PCDHGA7: variants seen among roughly 807,000 people sequenced by gnomAD.
PCDHGA7 encodes protocadherin gamma-A7.
Under a neutral mutation model 58.3 loss-of-function variants are expected in PCDHGA7, and 44 were observed. That is an observed-to-expected ratio of 0.75 (90% CI 0.59 to 0.97). The LOEUF is 0.97. PCDHGA7 is among the 50% of genes least tolerant of loss of function. The pLI, the probability that PCDHGA7 is intolerant of heterozygous loss-of-function variation, is 0.00. For synonymous variants in PCDHGA7, 516 were observed against 504.2 expected, an observed-to-expected ratio of 1.02 and a Z score of -0.31; for missense variants, 1,266 against 1,188.7, an observed-to-expected ratio of 1.06 and a Z score of -0.96.
Position 141,432,477 on chromosome 5 carries a change from C to G in PCDHGA7, c.2424+47154C>G. On this transcript the variant is annotated intron_variant, in intron 1 of 3. Coordinates refer to ENST00000518325, the MANE Select transcript of PCDHGA7 (RefSeq NM_018920.4). This position sits in a 1 kb window ranked among gnomAD's most constrained non-coding sequence, Gnocchi z 6.0. ...CCCGCCCTCCCCACGGACGGTTCCA[C>G]TGGCGTGGAGCTGGCTCCCCGCTCC... 3 of 1,614,212 alleles carry G rather than the reference C, an allele frequency of 1.9e-6. No homozygotes were observed. Among genetic ancestry groups the G allele is most frequent in the Non-Finnish European group, 1.7e-6 (2 of 1,180,044 alleles).
rs144482292 is a variant in PCDHGA7 at position 141,385,630 on chromosome 5, C to T, written c.2424+307C>T. 4.8e-3 allele frequency: 4,617 copies of T among 957,834 alleles called. 22 individuals are homozygous for T. The highest frequency in any genetic ancestry group is 0.011 in the Admixed American group (240 of 22,730). The allele number at this position is 957,834 out of a possible 1,614,324, so 59.3% of individuals were successfully genotyped here. ...ATATATTTTATACATTGGAATGAAT[C>T]GAGTCTTTCATATTGCACAAGGTTA... is the stretch of plus-strand genomic sequence containing the variant. On this transcript the variant is annotated intron_variant, in intron 1 of 3. Coordinates refer to ENST00000518325, the MANE Select transcript of PCDHGA7 (RefSeq NM_018920.4).
At chr5:141,389,367 G>A (rs1402654392) in intron 1 of PCDHGA7, 4 of 1,613,806 alleles carry the variant, frequency 2.5e-6, no homozygotes, top group South Asian at 1.1e-5. Context: ...CAGTGACCTG[G>A]AGCAGCGGGA....
chr5:141,393,799 G>C lies in PCDHGA7; in HGVS notation c.2424+8476G>C, dbSNP rs2092846945. ...GCCGAAGATGTGGGGGCACTTCTGG[G>C]GAGGACCAAATTGCTCATTTCGGTG... On this transcript the variant is annotated intron_variant, in intron 1 of 3. Transcript: ENST00000518325. 2.5e-6 allele frequency: 4 copies of C among 1,613,802 alleles called. No homozygotes were observed. The highest frequency in any genetic ancestry group is 2.5e-6 in the Non-Finnish European group (3 of 1,179,888).
At chr5:141,408,558 T>A (rs748858215) in intron 1 of PCDHGA7, 48 of 1,613,898 alleles carry the variant, frequency 3.0e-5, no homozygotes, top group Non-Finnish European at 5.9e-6. Context: ...ATTTTTCATG[T>A]CATTGTGGTG....
chr5:141,389,784 G>C (rs1380763543), intron 1 of PCDHGA7: 2 of 1,613,318 alleles, frequency 1.2e-6, no homozygotes, highest in South Asian at 2.2e-5. Flanking sequence ...AGGCGACAGG[G>C]ACGCCGTCCG....
At chr5:141,423,256 G>A (rs751894091) in intron 1 of PCDHGA7, 3 of 1,613,816 alleles carry the variant, frequency 1.9e-6, no homozygotes, top group South Asian at 2.2e-5. Context: ...GGCGGACCTC[G>A]GCAGCCTCGA....
intron 1 of PCDHGA7, among the ~76,000 whole-genome samples, chr5:141,474,243 G>GA (rs1161758975): frequency 2.6e-5 from 4 of 152,050 alleles, no homozygotes; most frequent in Admixed American, 1.3e-4. Context: ...CTGAATAGGG[G>GA]AAAAAAAGAC....
chr5:141,433,823 G>T (rs555746621), intron 1 of PCDHGA7, among the ~76,000 whole-genome samples: 2 of 144,288 alleles, frequency 1.4e-5, no homozygotes, highest in Non-Finnish European at 3.0e-5. Context: ...GGCAACAAGA[G>T]TGAAACTCTA....
chr5:141,491,508 G>T lies in PCDHGA7; in HGVS notation c.2425-3299G>T. 1 of 1,614,030 alleles carries T rather than the reference G, an allele frequency of 6.2e-7. No homozygotes were observed. Among genetic ancestry groups the T allele is most frequent in the Non-Finnish European group, 8.5e-7 (1 of 1,180,014 alleles). ...ACCTGCAGGTGAGCTCGGACGGCACGCTCAAGTACATGGAGGTGACGCTGC... is the reference window on the plus strand; with the variant it reads ...ACCTGCAGGTGAGCTCGGACGGCACTCTCAAGTACATGGAGGTGACGCTGC... On this transcript the variant is annotated intron_variant, in intron 1 of 3. Transcript: ENST00000518325. The surrounding 1 kb of genome is among the most constrained non-coding windows in gnomAD (Gnocchi z 6.9).
chr5:141,428,561 A>G (rs879118525), intron 1 of PCDHGA7: 16 of 238,202 alleles, frequency 6.7e-5, no homozygotes, highest in South Asian at 5.9e-4. Context: ...GTCCCCCCAC[A>G]AGATCTTTCT....
chr5:141,445,623 A>G (rs2098472971), intron 1 of PCDHGA7, among the ~76,000 whole-genome samples: 1 of 152,172 alleles, frequency 6.6e-6, no homozygotes, highest in South Asian at 2.1e-4. Flanking sequence ...TTTTTTTCGG[A>G]AAGTGATATT....
chr5:141,466,975 A>G (rs769024064), intron 1 of PCDHGA7, among the ~76,000 whole-genome samples: 1 of 151,842 alleles, frequency 6.6e-6, no homozygotes, highest in Non-Finnish European at 1.5e-5. Flanking sequence ...CTCACAGCTC[A>G]TCATTTACCT....
In PCDHGA7 at chr5:141,498,877, G is replaced by A. The variant is rs886444261; in HGVS notation, c.2483+4012G>A. ...GAACCCAGGAGGCGGAGGTTGCAGTGAGCTGAGATCACACCACTGCACTCC... is the reference window on the plus strand; with the variant it reads ...GAACCCAGGAGGCGGAGGTTGCAGTAAGCTGAGATCACACCACTGCACTCC... On this transcript the variant is annotated intron_variant, in intron 2 of 3. Coordinates refer to ENST00000518325, the MANE Select transcript of PCDHGA7 (RefSeq NM_018920.4). Among the ~76,000 whole-genome samples, 8 of 149,816 alleles carry A rather than the reference G, an allele frequency of 5.3e-5. No individual in the cohort carries two copies. In the East Asian group the frequency reaches 1.4e-3, roughly 26 times the overall value.
Position 141,448,649 on chromosome 5 carries a change from T to C in PCDHGA7, c.2425-46158T>C, listed in dbSNP as rs181402439. 1.4e-3 allele frequency among the ~76,000 whole-genome samples: 218 copies of C among 152,220 alleles called. 1 individual carries two copies. Among genetic ancestry groups the C allele is most frequent in the African/African-American group, 5.0e-3 (206 of 41,530 alleles). On this transcript the variant is annotated intron_variant, in intron 1 of 3. Transcript: ENST00000518325. ...CTTCACATTATATCCTTTAAAAATA[T>C]TTCCATATTGGCCGGGCGCGGTGGC...
chr5:141,405,090 C>A, intron 1 of PCDHGA7: 1 of 1,613,950 alleles, frequency 6.2e-7, no homozygotes, highest in Non-Finnish European at 8.5e-7. Flanking sequence ...ACGCTGCTGG[C>A]CCTCAGGCTG....
rs1231167998 is a variant in PCDHGA7, at chr5:141,399,197, T to C, written c.2424+13874T>C. 1.9e-6 allele frequency: 3 copies of C among 1,613,808 alleles called. No individual in the cohort carries two copies. In the African/African-American group the frequency reaches 4.0e-5, roughly 22 times the overall value. On this transcript the variant is annotated intron_variant, in intron 1 of 3. Transcript: ENST00000518325. ...CTTGAAATGATTCTGGAAAACGCGGTGCCTGGAACACTAATTGCTTTGATC... is the reference window on the plus strand; with the variant it reads ...CTTGAAATGATTCTGGAAAACGCGGCGCCTGGAACACTAATTGCTTTGATC...
chr5:141,392,641 C>G (rs541777624), intron 1 of PCDHGA7: 2 of 655,502 alleles, frequency 3.1e-6, no homozygotes, highest in Non-Finnish European at 2.5e-6. Context: ...TCACACCTCA[C>G]GAAGACCCGC....
intron 1 of PCDHGA7, chr5:141,408,246 A>C: frequency 6.3e-7 from 1 of 1,590,754 alleles, no homozygotes; most frequent in Non-Finnish European, 8.6e-7. Flanking sequence ...GGCCCGCGGC[A>C]GGTGCTATTT....
At position 141,485,348 on chromosome 5, in the gene PCDHGA7, C is replaced by A; in HGVS notation, c.2425-9459C>A. ...AGATTTCCTGCTGGATACGGACAGT[C>A]TGTCAGCTCGCAGGCTGCAGGTCGC... On this transcript the variant is annotated intron_variant, in intron 1 of 3. Coordinates refer to ENST00000518325, the MANE Select transcript of PCDHGA7 (RefSeq NM_018920.4). This position sits in a 1 kb window ranked among gnomAD's most constrained non-coding sequence, Gnocchi z 5.7. 6.2e-7 allele frequency: 1 copy of A among 1,614,146 alleles called. No individual in the cohort carries two copies. Among genetic ancestry groups the A allele is most frequent in the Non-Finnish European group, 8.5e-7 (1 of 1,180,008 alleles).
Sources: allele counts gnomAD v4.1 joint callset (sites outside exome capture counted in the v4.1 genomes callset), GRCh38; gene constraint gnomAD v4.1.1; non-coding constraint Gnocchi (gnomAD v3.1); transcripts MANE v1.5; gene names NCBI Gene and HGNC (gene_info 2026-07-23, HGNC 2026-07-21).